Variants in RAD18 observed in about 807,000 individuals in gnomAD.
The protein encoded by RAD18 is RAD18 E3 ubiquitin protein ligase.
In RAD18, 47 loss-of-function variants were observed where a neutral mutation model predicts 60.4. That is an observed-to-expected ratio of 0.78 (90% CI 0.62 to 0.99). The LOEUF is 0.99. Ranked by LOEUF, RAD18 falls within the 50% of genes least tolerant of loss-of-function variation. RAD18 has a pLI of 0.00. For missense variants in RAD18, 640 were observed against 593.3 expected (o/e 1.08, Z -0.82); for synonymous variants, 225 against 195.5 (o/e 1.15, Z -1.26).
At position 8,939,617 on chromosome 3, in the gene RAD18, C is replaced by T. The variant is rs1168317783; in HGVS notation, c.641G>A (p.Ser214Asn). The change falls in exon 6 of 13, where the codon AGT (serine) becomes AAT (asparagine). Residue 214 changes from serine to asparagine, a missense_variant. By Grantham distance (46) the Ser-to-Asn change is conservative. Coordinates refer to ENST00000264926, the MANE Select transcript of RAD18 (RefSeq NM_020165.4). ...GCTGTCTAAATGCTTATTAATGTGA[C>T]TTTCTGGAATGTTAACCCCGCAAAC... is the stretch of plus-strand genomic sequence containing the variant. ...CPVCGVNIPE[S>N]HINKHLDSCL... The T allele has an allele frequency of 3.7e-6, 6 of 1,612,796 alleles. No homozygotes were observed. In the African/African-American group the frequency reaches 8.0e-5, roughly 22 times the overall value.
intron 7 of RAD18, among the ~76,000 whole-genome samples, chr3:8,918,051 G>A (rs1285537302): frequency 2.0e-5 from 3 of 152,078 alleles, no homozygotes; most frequent in Admixed American, 2.0e-4. Context: ...GGCGCAGTGG[G>A]TCATGCCTGT....
At chr3:8,961,386 A>T (rs45509995) in intron 1 of RAD18, among the ~76,000 whole-genome samples, 1 of 152,214 alleles carries the variant, frequency 6.6e-6, no homozygotes, top group Non-Finnish European at 1.5e-5. Flanking sequence ...AATACTCTTA[A>T]GTTTTTGGGG....
At chr3:8,882,393 A>G (rs558501179) in intron 12 of RAD18, among the ~76,000 whole-genome samples, 155 of 152,294 alleles carry the variant, frequency 1.0e-3, no homozygotes, top group African/African-American at 3.5e-3. Context: ...GCAGTAAATC[A>G]TCTCCAGCTG....
In RAD18 at chr3:8,941,519, C is replaced by T. The variant is rs762637776; in HGVS notation, c.552G>A (p.Glu184=). The change falls in exon 5 of 13, where the codon GAG becomes GAA. Residue 184 remains glutamate, a synonymous_variant. Transcript: ENST00000264926. ...SVEEIAPDPS[E]AKRPEPPSTS... is the part of the protein sequence containing the mutation. The stretch of plus-strand genomic sequence containing the variant: ...TCGAGGGTGGCTCAGGACGCTTAGC[C>T]TCTGAGGGATCTGGAGCGATCTCTT... 2 of 1,613,768 alleles carry T rather than the reference C, an allele frequency of 1.2e-6. No individual in the cohort carries two copies. Among genetic ancestry groups the T allele is most frequent in the African/African-American group, 2.7e-5 (2 of 74,886 alleles).
intron 7 of RAD18, among the ~76,000 whole-genome samples, chr3:8,926,524 C>T (rs1347254303): frequency 6.6e-6 from 1 of 152,288 alleles, no homozygotes; most frequent in East Asian, 1.9e-4. Context: ...CATTAAGCTA[C>T]CAATGACTTT....
At chr3:8,887,856 G>A (rs1252313093) in intron 12 of RAD18, among the ~76,000 whole-genome samples, 2 of 152,142 alleles carry the variant, frequency 1.3e-5, no homozygotes, top group Admixed American at 1.3e-4. Context: ...GGAGAGGCTG[G>A]TCAATTCTCA....
chr3:8,963,302 C>A (rs1340858832), intron 1 of RAD18, 33 bp downstream of exon 1: 6 of 1,587,460 alleles, frequency 3.8e-6, no homozygotes, highest in Non-Finnish European at 5.2e-6. Context: ...CCCGCAGACA[C>A]CCGGGAGCTC....
intron 7 of RAD18, among the ~76,000 whole-genome samples, chr3:8,921,572 C>T (rs879738498): frequency 2.0e-5 from 3 of 151,878 alleles, no homozygotes; most frequent in Non-Finnish European, 2.9e-5. Context: ...TCCTGGAGTC[C>T]GAGGCTGCGG....
rs145481886 is a variant in RAD18 at position 8,897,884 on chromosome 3, G to A, written c.1322+1010C>T. ...AGTTTGAGACCAGCCTGGCCAACAC[G>A]GTGAAACCCTGTCTCTACTAAATGT... On this transcript the variant is annotated intron_variant, in intron 11 of 12. Transcript: ENST00000264926. Among the ~76,000 whole-genome samples the A allele has an allele frequency of 3.4e-4, 52 of 152,060 alleles. No individual in the cohort carries two copies. In the East Asian group the frequency reaches 9.3e-3, roughly 27 times the overall value.
intron 12 of RAD18, among the ~76,000 whole-genome samples, chr3:8,889,421 G>T (rs1057021710): frequency 5.3e-5 from 8 of 152,322 alleles, no homozygotes; most frequent in African/African-American, 1.9e-4. Context: ...CATGTTGACA[G>T]TGGGGTTAAA....
chr3:8,935,682 G>C (rs1940636236), intron 7 of RAD18, among the ~76,000 whole-genome samples, 189 bp downstream of exon 7: 4 of 152,204 alleles, frequency 2.6e-5, no homozygotes, highest in African/African-American at 7.2e-5. Flanking sequence ...CTGGGGATTG[G>C]AAGGCAGGCT....
rs534587956 is a variant in RAD18, at chr3:8,881,058, C to T, written c.*299G>A. On this transcript the variant is annotated 3_prime_UTR_variant, in exon 13 of 13. Transcript: ENST00000264926. ...ATTTAATTATCAAACCAAACCAAACCAAACCAAATCCCTGTGCCAAAGTGC... is the reference window on the plus strand; with the variant it reads ...ATTTAATTATCAAACCAAACCAAACTAAACCAAATCCCTGTGCCAAAGTGC... 3 of 254,702 alleles carry T rather than the reference C, an allele frequency of 1.2e-5. No homozygotes were observed. Among genetic ancestry groups the T allele is most frequent in the African/African-American group, 2.3e-5 (1 of 44,182 alleles). The allele number at this position is 254,702 out of a possible 1,614,324, so 15.8% of individuals were successfully genotyped here. A position where few individuals can be genotyped will look rare whatever the true frequency, so the allele number is the denominator to read the frequency against.
intron 11 of RAD18, among the ~76,000 whole-genome samples, chr3:8,897,326 A>C (rs766408361): frequency 2.6e-5 from 4 of 152,230 alleles, no homozygotes; most frequent in Admixed American, 6.5e-5. Context: ...CCCCACAAGG[A>C]AAAATGAAGT....
intron 11 of RAD18, among the ~76,000 whole-genome samples, chr3:8,890,983 T>C (rs949743130): frequency 5.9e-5 from 9 of 151,836 alleles, no homozygotes; most frequent in African/African-American, 2.2e-4. Context: ...TTTCCCCCAA[T>C]CCCATGAAAT....
rs1484940081 is a variant in RAD18, at chr3:8,936,071, G to T, written c.705-16C>A. ...GTGAACAGAACTGAAAAGGGGGGAA[G>T]ATACCTGATGATTATTGTGAATTAT... is the stretch of plus-strand genomic sequence containing the variant. On this transcript the variant is annotated splice_polypyrimidine_tract_variant and intron_variant, in intron 6 of 12. Transcript: ENST00000264926. 1.4e-6 allele frequency: 2 copies of T among 1,464,988 alleles called. No homozygotes were observed. The highest frequency in any genetic ancestry group is 1.5e-5 in the African/African-American group (1 of 68,826). 90.7% of individuals were successfully genotyped at this position (1,464,988 alleles called of 1,614,324 possible).
intron 4 of RAD18, among the ~76,000 whole-genome samples, chr3:8,945,725 C>A (rs1283395899): frequency 6.6e-6 from 1 of 152,044 alleles, no homozygotes; most frequent in Non-Finnish European, 1.5e-5. Flanking sequence ...CCACCTCGGC[C>A]TCCGAAAGTG....
At chr3:8,923,289 C>G (rs143291306) in intron 7 of RAD18, among the ~76,000 whole-genome samples, 3 of 151,968 alleles carry the variant, frequency 2.0e-5, no homozygotes, top group African/African-American at 7.3e-5. Context: ...GTAGCCGATT[C>G]GATCAATTGG....
intron 1 of RAD18, among the ~76,000 whole-genome samples, chr3:8,959,977 T>C (rs754302421): frequency 5.9e-5 from 9 of 151,812 alleles, no homozygotes; most frequent in Non-Finnish European, 1.0e-4. Context: ...ACAGTACATA[T>C]ACTATGCTAC....
chr3:8,931,419 C>A (rs1053119846), intron 7 of RAD18: 2 of 152,208 alleles, frequency 1.3e-5, no homozygotes, highest in Non-Finnish European at 2.9e-5. Context: ...GTTAAGATAT[C>A]ATTTCTAAGC....
Sources: allele counts gnomAD v4.1 joint callset (sites outside exome capture counted in the v4.1 genomes callset), GRCh38; gene constraint gnomAD v4.1.1; transcripts MANE v1.5; gene names NCBI Gene and HGNC (gene_info 2026-07-23, HGNC 2026-07-21).